The following KIF9 variants were observed in gnomAD, a reference collection of about 807,000 sequenced individuals.
The protein encoded by KIF9 is kinesin family member 9, also known as kinesin-like protein KIF9.
Under a neutral mutation model 94.8 loss-of-function variants are expected in KIF9, and 68 were observed. The ratio of observed to expected loss-of-function variants is 0.72; its 90% CI spans 0.59 to 0.88. KIF9 has a LOEUF of 0.88. Among genes scored for constraint, KIF9 ranks in the 40% least tolerant of loss-of-function variants. The probability of loss-of-function intolerance (pLI) is 0.00; values close to 1 mark genes in which losing one functional copy is unlikely to be tolerated. For synonymous variants in KIF9, 343 were observed against 362.1 expected, an observed-to-expected ratio of 0.95 and a Z score of 0.60; for missense variants, 882 against 982.5, an observed-to-expected ratio of 0.90 and a Z score of 1.37.
rs777506297 is a variant in KIF9 at position 47,235,553 on chromosome 3, G to A, written c.2282C>T (p.Ser761Phe). 3.7e-6 allele frequency: 6 copies of A among 1,614,000 alleles called. 1 individual carries two copies. Among genetic ancestry groups the A allele is most frequent in the Non-Finnish European group, 5.1e-6 (6 of 1,180,006 alleles). The change falls in exon 20 of 21, where the codon TCC becomes TTC. Residue 761 changes from serine to phenylalanine, a missense_variant. By Grantham distance (155) the Ser-to-Phe change is radical (BLOSUM62 -2). Coordinates refer to ENST00000684063, the MANE Select transcript of KIF9 (RefSeq NM_182902.4). ...GACTTTGGCATTGTAGAAGGAGATG[G>A]AATCAGGGCCCTCAGGAAGCACCCT... ...QQRVLPEGPDSISFYNAKVKI... is the reference protein window; with the variant it reads ...QQRVLPEGPDFISFYNAKVKI...
At chr3:47,272,905 C>T (rs1030224098) in intron 4 of KIF9, among the ~76,000 whole-genome samples, 2 of 152,134 alleles carry the variant, frequency 1.3e-5, no homozygotes, top group Admixed American at 6.5e-5. Context: ...TAGGACAGGG[C>T]TGCAAAAAAT....
rs1429033353 is a variant in KIF9 at position 47,280,943 on chromosome 3, T to C, written c.-6+1552A>G. Reference sequence around the variant, plus strand: ...AACATTTAGGGACCCCATGCCATCTTGCACTTACTGAAATACTGCTTGTTA... The same window carrying C: ...AACATTTAGGGACCCCATGCCATCTCGCACTTACTGAAATACTGCTTGTTA... On this transcript the variant is annotated intron_variant, in intron 1 of 20. Transcript: ENST00000684063. The C allele has an allele frequency of 6.0e-5, 42 of 702,980 alleles. No homozygotes were observed. In the East Asian group the frequency reaches 1.1e-3, roughly 18 times the overall value. The allele number at this position is 702,980 out of a possible 1,614,324, so 43.5% of individuals were successfully genotyped here.
At chr3:47,278,368 T>C (rs996948732) in intron 1 of KIF9, among the ~76,000 whole-genome samples, 1 of 152,120 alleles carries the variant, frequency 6.6e-6, no homozygotes. Flanking sequence ...ACCCAGCCGA[T>C]GTTCAATATT....
rs146817806 is a variant in KIF9 at position 47,273,584 on chromosome 3, G to A, written c.334C>T (p.His112Tyr). The A allele has an allele frequency of 3.7e-6, 6 of 1,612,606 alleles. No homozygotes were observed. The African/African-American group carries it at 6.7e-5, about 18-fold the overall frequency. ...AGGGCACGAGGGAGGATCCCCCGGT[G>A]CTTGTAATTCTCAGTTGCCCCCATC... ...TMMGATENYK[H>Y]RGILPRALQQ... The change falls in exon 4 of 21, where the codon CAC (histidine) becomes TAC (tyrosine). Residue 112 changes from histidine (H) to tyrosine (Y), a missense_variant. By Grantham distance (83) the His-to-Tyr change is moderately conservative. Transcript: ENST00000684063.
chr3:47,236,566 T>C lies in KIF9; in HGVS notation c.1978A>G (p.Ile660Val). 1 of 1,614,064 alleles carries C rather than the reference T, an allele frequency of 6.2e-7. No individual in the cohort carries two copies. Among genetic ancestry groups the C allele is most frequent in the African/African-American group, 1.3e-5 (1 of 75,046 alleles). Reference sequence around the variant, plus strand: ...TTCTTGAGGTCTTTGAGCTTGAGGATCAGCAGGAATTCTTCCTCATCGATG... The same window carrying C: ...TTCTTGAGGTCTTTGAGCTTGAGGACCAGCAGGAATTCTTCCTCATCGATG... ...MIIDEEEFLL[I>V]LKLKDLKKQY... The change falls in exon 18 of 21, where the codon ATC becomes GTC. Residue 660 changes from isoleucine to valine, a missense_variant. Transcript: ENST00000684063.
In KIF9 at chr3:47,241,018, T is replaced by C; in HGVS notation, c.1710-3A>G. On this transcript the variant is annotated splice_region_variant and splice_polypyrimidine_tract_variant and intron_variant, in intron 16 of 20. Transcript: ENST00000684063. ...GTTTGGAGGGTGGGGTGTCGGGCCT[T>C]GAGATGAAAAGGTGAGACCAAAGAG... The C allele has an allele frequency of 6.2e-7, 1 of 1,613,672 alleles. No homozygotes were observed. Among genetic ancestry groups the C allele is most frequent in the Non-Finnish European group, 8.5e-7 (1 of 1,179,630 alleles).
chr3:47,259,218 T>C (rs6778687), intron 9 of KIF9, among the ~76,000 whole-genome samples: 145,925 of 152,298 alleles, frequency 0.96, 70,228 homozygotes, highest in East Asian at 1. Flanking sequence ...CCACCAGCCT[T>C]AGTCAAGTGT....
intron 1 of KIF9, among the ~76,000 whole-genome samples, chr3:47,278,174 T>G (rs1295212749): frequency 6.6e-6 from 1 of 151,934 alleles, no homozygotes; most frequent in Admixed American, 6.6e-5. Context: ...CAGGCTTAAG[T>G]GATCCTCCTG....
intron 16 of KIF9, among the ~76,000 whole-genome samples, chr3:47,241,983 A>G (rs1245871150): frequency 6.6e-6 from 1 of 150,538 alleles, no homozygotes; most frequent in African/African-American, 2.4e-5. Flanking sequence ...TCCTGGGCTC[A>G]ATCAATTCTC....
intron 14 of KIF9, chr3:47,245,133 C>T: frequency 1.6e-6 from 1 of 627,044 alleles, no homozygotes; most frequent in African/African-American, 1.8e-5. Flanking sequence ...TGCACCCCCT[C>T]ACCAGTATGG....
At chr3:47,230,198 A>C (rs1449475680) in intron 20 of KIF9, among the ~76,000 whole-genome samples, 2 of 151,416 alleles carry the variant, frequency 1.3e-5, no homozygotes, top group Non-Finnish European at 2.9e-5. Flanking sequence ...TGATTGCTTG[A>C]GCCCAGGATA....
At chr3:47,276,113 C>T (rs1701950283) in intron 2 of KIF9, among the ~76,000 whole-genome samples, 1 of 152,174 alleles carries the variant, frequency 6.6e-6, no homozygotes, top group South Asian at 2.1e-4. Context: ...GTAGTAGCAG[C>T]TGGCTTAGGG....
At position 47,228,645 on chromosome 3, in the gene KIF9, T is replaced by C; in HGVS notation, c.*7A>G. 3 of 1,612,718 alleles carry C rather than the reference T, an allele frequency of 1.9e-6. No individual in the cohort carries two copies. Among genetic ancestry groups the C allele is most frequent in the Non-Finnish European group, 2.5e-6 (3 of 1,178,736 alleles). ...GTCTTGTCCTTTAAGGTACTGGCGA[T>C]GAGGTTCTATTTTCTATGTGCCTGC... On this transcript the variant is annotated 3_prime_UTR_variant, in exon 21 of 21. Coordinates refer to ENST00000684063, the MANE Select transcript of KIF9 (RefSeq NM_182902.4).
intron 9 of KIF9, among the ~76,000 whole-genome samples, chr3:47,261,350 A>C (rs1179881764): frequency 6.6e-6 from 1 of 152,094 alleles, no homozygotes; most frequent in Admixed American, 6.5e-5. Flanking sequence ...GTCTCTCTGG[A>C]GGGGGAGCCA....
At chr3:47,278,898 G>A (rs987962548) in intron 1 of KIF9, among the ~76,000 whole-genome samples, 4 of 152,110 alleles carry the variant, frequency 2.6e-5, no homozygotes, top group Non-Finnish European at 4.4e-5. Context: ...CTTGAATCTG[G>A]GACGTGGAGG....
chr3:47,228,727 A>C (rs1559410897), intron 20 of KIF9, 25 bp from the exon 21 acceptor site: 2 of 1,606,774 alleles, frequency 1.2e-6, no homozygotes, highest in East Asian at 4.5e-5. Flanking sequence ...AAGAGAAAAC[A>C]GGAACTTATT....
intron 11 of KIF9, 68 bp from the exon 12 acceptor site, chr3:47,247,545 C>T: frequency 1.6e-6 from 2 of 1,267,266 alleles, no homozygotes; most frequent in South Asian, 1.2e-5. Flanking sequence ...GTGGCAGGGG[C>T]CATTCTGAGA....
intron 1 of KIF9, among the ~76,000 whole-genome samples, chr3:47,281,627 C>T (rs767086532): frequency 1.5e-4 from 23 of 152,180 alleles, no homozygotes; most frequent in Non-Finnish European, 2.9e-4. Flanking sequence ...GGATTACAGG[C>T]GTGAGCCACG....
Position 47,236,493 on chromosome 3 carries a change from A to G in KIF9, c.2051T>C (p.Ile684Thr). Reference protein sequence around the residue: ...YQDLRDLRAEIQYCQHLVDQC... With the variant: ...YQDLRDLRAETQYCQHLVDQC... ...ATCCACTAGGTGCTGGCAATACTGG[A>G]TCTCAGCCCTGAGGTCACGCAGGTC... is the stretch of plus-strand genomic sequence containing the variant. The change falls in exon 18 of 21, where the codon ATC (isoleucine) becomes ACC (threonine). Residue 684 changes from isoleucine (I) to threonine (T), a missense_variant. Coordinates refer to ENST00000684063, the MANE Select transcript of KIF9 (RefSeq NM_182902.4). 1 of 1,613,850 alleles carries G rather than the reference A, an allele frequency of 6.2e-7. No individual in the cohort carries two copies. Among genetic ancestry groups the G allele is most frequent in the South Asian group, 1.1e-5 (1 of 91,058 alleles).
Sources: allele counts gnomAD v4.1 joint callset (sites outside exome capture counted in the v4.1 genomes callset), GRCh38; gene constraint gnomAD v4.1.1; transcripts MANE v1.5; gene names NCBI Gene and HGNC (gene_info 2026-07-23, HGNC 2026-07-21).